EPHB1: variants seen among roughly 807,000 people sequenced by gnomAD.
EPHB1 encodes the protein ephrin type-B receptor 1.
A neutral mutation model predicts 94.4 loss-of-function variants in EPHB1; 30 were observed. That is an observed-to-expected ratio of 0.32 (90% CI 0.24 to 0.43). The LOEUF (loss-of-function observed/expected upper bound fraction) is 0.43, where lower values mean the gene tolerates loss of function less well. Among genes scored for constraint, EPHB1 ranks in the 20% least tolerant of loss-of-function variants. EPHB1 has a pLI of 1.00. For missense variants in EPHB1, 1,055 were observed against 1,308.3 expected (o/e 0.81, Z 2.99); for synonymous variants, 522 against 489.1 (o/e 1.07, Z -0.89).
intron 12 of EPHB1, among the ~76,000 whole-genome samples, chr3:135,236,848 C>T (rs761164724): frequency 2.0e-5 from 3 of 152,174 alleles, no homozygotes; most frequent in East Asian, 1.9e-4. Context: ...AGAAGTGCTA[C>T]CCTCTGGGCT....
intron 3 of EPHB1, among the ~76,000 whole-genome samples, chr3:134,973,669 T>A (rs1934072899): frequency 6.6e-6 from 1 of 152,060 alleles, no homozygotes; most frequent in African/African-American, 2.4e-5. Flanking sequence ...TGACCTCAGG[T>A]AATCCACTTG....
chr3:134,950,848 G>T (rs149039974), intron 2 of EPHB1, among the ~76,000 whole-genome samples: 2 of 152,294 alleles, frequency 1.3e-5, no homozygotes, highest in African/African-American at 4.8e-5. Context: ...AAGTTTATGA[G>T]AATCTAAGTT....
chr3:134,851,842 A>G lies in EPHB1; in HGVS notation c.58+56153A>G, dbSNP rs73861965. Among the ~76,000 whole-genome samples, 565 of 152,292 alleles carry G rather than the reference A, an allele frequency of 3.7e-3. 1 individual carries two copies. Among genetic ancestry groups the G allele is most frequent in the African/African-American group, 0.013 (545 of 41,556 alleles). On this transcript the variant is annotated intron_variant, in intron 1 of 15. Transcript: ENST00000398015. ...CATGATAGCCTGGAAAAATATTGTA[A>G]TCTTCTTACTGTGTTGTAGCTTTGT...
At chr3:134,929,896 A>G (rs987073185) in intron 2 of EPHB1, among the ~76,000 whole-genome samples, 1 of 152,200 alleles carries the variant, frequency 6.6e-6, no homozygotes, top group Non-Finnish European at 1.5e-5. Context: ...GAGACCTAGT[A>G]TGGAGAAGAT....
At chr3:135,003,530 C>T (rs1342071658) in intron 3 of EPHB1, among the ~76,000 whole-genome samples, 26 of 150,192 alleles carry the variant, frequency 1.7e-4, no homozygotes, top group Admixed American at 8.0e-4. Context: ...CTTTCTGTCT[C>T]GTTGATCTGT....
chr3:134,824,125 C>CTTTTTTTTTTTTTTTT (rs373504139), intron 1 of EPHB1, among the ~76,000 whole-genome samples: 3 of 100,756 alleles, frequency 3.0e-5, no homozygotes, highest in Non-Finnish European at 4.1e-5. Context: ...GGATAATGCC[C>CTTTTTTTTTTTTTTTT]TTTTTTTTTT....
At chr3:135,174,391 TG>T (rs1023477191) in intron 9 of EPHB1, among the ~76,000 whole-genome samples, 2 of 152,192 alleles carry the variant, frequency 1.3e-5, no homozygotes, top group African/African-American at 4.8e-5. Context: ...CTTTTTCCAG[TG>T]CAATACGATG....
intron 3 of EPHB1, among the ~76,000 whole-genome samples, chr3:134,990,066 A>G (rs756488179): frequency 2.0e-5 from 3 of 152,192 alleles, no homozygotes; most frequent in Non-Finnish European, 4.4e-5. Context: ...TTGCTTTATC[A>G]CAATTTCTCC....
chr3:134,929,856 G>C (rs1156708258), intron 2 of EPHB1, among the ~76,000 whole-genome samples: 1 of 152,244 alleles, frequency 6.6e-6, no homozygotes, highest in South Asian at 2.1e-4. Flanking sequence ...AAGCCAGGAG[G>C]CTTGGGAGAG....
At chr3:135,243,454 A>G (rs913411948) in intron 13 of EPHB1, among the ~76,000 whole-genome samples, 19 of 152,210 alleles carry the variant, frequency 1.2e-4, no homozygotes, top group Non-Finnish European at 2.9e-5. Flanking sequence ...CTCAGAGGGA[A>G]TAAGAACATC....
At chr3:135,054,463 G>T (rs891022315) in intron 3 of EPHB1, among the ~76,000 whole-genome samples, 1 of 152,102 alleles carries the variant, frequency 6.6e-6, no homozygotes, top group African/African-American at 2.4e-5. Context: ...AGAAAGGGGC[G>T]CTGTATGCTG....
intron 4 of EPHB1, among the ~76,000 whole-genome samples, chr3:135,130,197 A>G (rs998137631): frequency 1.3e-5 from 2 of 152,102 alleles, no homozygotes; most frequent in African/African-American, 4.8e-5. Context: ...TTCTGAGGCC[A>G]TGAGGATAGA....
chr3:134,855,664 C>G (rs1399875933), intron 1 of EPHB1, among the ~76,000 whole-genome samples: 1 of 47,168 alleles, frequency 2.1e-5, no homozygotes, highest in Non-Finnish European at 7.6e-5. Context: ...CCTTCTGATA[C>G]ATTTTTTCAG....
chr3:135,205,805 A>T (rs1942886202), intron 12 of EPHB1, among the ~76,000 whole-genome samples: 1 of 152,232 alleles, frequency 6.6e-6, no homozygotes, highest in Admixed American at 6.5e-5. Context: ...ATTTGCAGAC[A>T]TCATTACATA....
chr3:134,952,153 C>A, intron 3 of EPHB1, 101 bp downstream of exon 3: 2 of 1,256,756 alleles, frequency 1.6e-6, no homozygotes, highest in Non-Finnish European at 2.2e-6. Flanking sequence ...AGAAAATAGT[C>A]TAATGGCTTA....
intron 1 of EPHB1, among the ~76,000 whole-genome samples, chr3:134,843,681 A>AT (rs1198625318): frequency 4.0e-5 from 6 of 151,500 alleles, no homozygotes; most frequent in Non-Finnish European, 8.8e-5. Context: ...TCCTCTAGTG[A>AT]TTTTTTTATT....
intron 3 of EPHB1, among the ~76,000 whole-genome samples, chr3:135,014,482 G>A (rs901481871): frequency 2.6e-5 from 4 of 152,292 alleles, no homozygotes; most frequent in Admixed American, 2.0e-4. Context: ...GAGTTATCCA[G>A]GTATTTATTT....
chr3:135,027,200 C>A (rs914706444), intron 3 of EPHB1, among the ~76,000 whole-genome samples: 1 of 151,814 alleles, frequency 6.6e-6, no homozygotes, highest in Non-Finnish European at 1.5e-5. Context: ...ATTGAATACC[C>A]TTTATTTCCT....
At chr3:135,135,192 G>C (rs1343538778) in intron 5 of EPHB1, among the ~76,000 whole-genome samples, 2 of 151,992 alleles carry the variant, frequency 1.3e-5, no homozygotes, top group Non-Finnish European at 2.9e-5. Context: ...TGGAATTCTG[G>C]TGTCAGAGAG....
Sources: gnomAD v4.1 joint callset for allele counts (sites outside exome capture counted in the v4.1 genomes callset) on GRCh38, gnomAD v4.1.1 for gene constraint, MANE v1.5 for transcripts, NCBI Gene and HGNC (gene_info 2026-07-23, HGNC 2026-07-21) for gene names.